SPX: variants seen among roughly 807,000 people sequenced by gnomAD.
The protein encoded by SPX is spexin hormone.
In SPX, 22 loss-of-function variants were observed where a neutral mutation model predicts 19.2. The observed-to-expected ratio is 1.15, with a 90% confidence interval of 0.82 to 1.64. SPX has a LOEUF of 1.64. Among genes scored for constraint, SPX ranks in the 40% most tolerant of loss-of-function variants. The pLI, the probability that SPX is intolerant of heterozygous loss-of-function variation, is 0.00. For synonymous variants in SPX, 50 were observed against 53.3 expected, an observed-to-expected ratio of 0.94 and a Z score of 0.27; for missense variants, 143 against 137.7, an observed-to-expected ratio of 1.04 and a Z score of -0.19.
Position 21,532,753 on chromosome 12 carries a change from A to G in SPX, c.*1558A>G, listed in dbSNP as rs1943877762. The G allele has an allele frequency of 6.6e-6, 1 of 152,240 alleles. No individual in the cohort carries two copies. Among genetic ancestry groups the G allele is most frequent in the Admixed American group, 6.5e-5 (1 of 15,280 alleles). The allele number at this position is 152,240 out of a possible 1,614,324, so 9.4% of individuals were successfully genotyped here. A position where few individuals can be genotyped will look rare whatever the true frequency, so the allele number is the denominator to read the frequency against. On this transcript the variant is annotated 3_prime_UTR_variant, in exon 6 of 6. Transcript: ENST00000256969. ...TATGTGTATTCAAAGAACACTTTTAACATCTATCTTATGAAATAATTCTTC... is the reference window on the plus strand; with the variant it reads ...TATGTGTATTCAAAGAACACTTTTAGCATCTATCTTATGAAATAATTCTTC...
chr12:21,526,786 C>T (rs1471317103), intron 1 of SPX, 100 bp from the exon 2 acceptor site: 10 of 1,153,248 alleles, frequency 8.7e-6, no homozygotes, highest in Admixed American at 2.0e-5. Flanking sequence ...CAGAATATTG[C>T]GAGAAGTAAG....
intron 4 of SPX, chr12:21,528,081 A>G: frequency 2.5e-6 from 1 of 403,722 alleles, no homozygotes. Flanking sequence ...GCGGCTGTTC[A>G]GCCAGCCCTC....
chr12:21,528,923 T>G, intron 4 of SPX, 78 bp from the exon 5 acceptor site: 2 of 1,290,380 alleles, frequency 1.5e-6, no homozygotes, highest in Non-Finnish European at 2.2e-6. Flanking sequence ...TTTCTAGTAT[T>G]GCTGCATGTT....
At position 21,527,164 on chromosome 12, in the gene SPX, T is replaced by A; in HGVS notation, c.117T>A (p.Pro39=). The change falls in exon 3 of 6, where the codon CCT becomes CCA. Residue 39 remains proline (P), a synonymous_variant. Transcript: ENST00000256969. ...TGTTGGAGAGAAGGAACTGGACTCC[T>A]CAAGCTATGCTCTACCTGAAAGGGG... ...QRLLERRNWT[P]QAMLYLKGAQ... The A allele has an allele frequency of 6.2e-7, 1 of 1,614,072 alleles. No individual in the cohort carries two copies. Among genetic ancestry groups the A allele is most frequent in the South Asian group, 1.1e-5 (1 of 91,074 alleles).
intron 2 of SPX, 82 bp from the exon 3 acceptor site, chr12:21,527,053 C>T: frequency 2.5e-6 from 4 of 1,583,520 alleles, no homozygotes; most frequent in Non-Finnish European, 2.6e-6. Flanking sequence ...GTTTTATTCT[C>T]TTCTTTTTCC....
chr12:21,527,419 T>G, intron 3 of SPX: 1 of 604,134 alleles, frequency 1.7e-6, no homozygotes, highest in Non-Finnish European at 2.9e-6. Context: ...AACTGGAGGG[T>G]TGCTTCTCTT....
intron 5 of SPX, 147 bp downstream of exon 5, chr12:21,529,231 A>G: frequency 1.4e-6 from 1 of 693,606 alleles, no homozygotes; most frequent in Non-Finnish European, 2.5e-6. Flanking sequence ...GTGAGGCCCA[A>G]GAATCTCTGT....
Position 21,532,773 on chromosome 12 carries a change from T to C in SPX, c.*1578T>C, listed in dbSNP as rs1943877956. On this transcript the variant is annotated 3_prime_UTR_variant, in exon 6 of 6. Coordinates refer to ENST00000256969, the MANE Select transcript of SPX (RefSeq NM_030572.4). ...TTTTAACATCTATCTTATGAAATAA[T>C]TCTTCCTACAACTAACCAGAACAAT... 1 of 152,198 alleles carries C rather than the reference T, an allele frequency of 6.6e-6. No homozygotes were observed. Among genetic ancestry groups the C allele is most frequent in the African/African-American group, 2.4e-5 (1 of 41,458 alleles). The allele number at this position is 152,198 out of a possible 1,614,324, so 9.4% of individuals were successfully genotyped here.
Position 21,527,709 on chromosome 12 carries a change from C to T in SPX, c.146-18C>T, listed in dbSNP as rs1489506830. 4 of 1,558,998 alleles carry T rather than the reference C, an allele frequency of 2.6e-6. No individual in the cohort carries two copies. The highest frequency in any genetic ancestry group is 8.7e-7 in the Non-Finnish European group (1 of 1,150,670). On this transcript the variant is annotated intron_variant, in intron 3 of 5. Transcript: ENST00000256969. ...CCCGGGCCAGGCTGTCGCTGAGCCC[C>T]AGGTCTCGTTTTTGCAGAGGGTCGC...
chr12:21,528,972 A>G (rs1198186395), intron 4 of SPX, 29 bp from the exon 5 acceptor site: 3 of 1,570,458 alleles, frequency 1.9e-6, no homozygotes, highest in Non-Finnish European at 2.6e-6. Flanking sequence ...AAATGCTAAG[A>G]GAATCTGTAT....
In SPX at chr12:21,527,686, C is replaced by G. The variant is rs1184553316; in HGVS notation, c.146-41C>G. On this transcript the variant is annotated intron_variant, in intron 3 of 5. Transcript: ENST00000256969. Reference sequence around the variant, plus strand: ...GCTGAGGTTTAAGCCCGGGTTGTCCCGGGCCAGGCTGTCGCTGAGCCCCAG... The same window carrying G: ...GCTGAGGTTTAAGCCCGGGTTGTCCGGGGCCAGGCTGTCGCTGAGCCCCAG... 2.6e-6 allele frequency: 4 copies of G among 1,547,084 alleles called. No homozygotes were observed. The African/African-American group carries it at 5.5e-5, about 21-fold the overall frequency.
chr12:21,528,880 T>C (rs1266217784), intron 4 of SPX, 121 bp from the exon 5 acceptor site: 19 of 848,612 alleles, frequency 2.2e-5, no homozygotes, highest in Non-Finnish European at 3.7e-5. Flanking sequence ...AGTAGTCCTT[T>C]GTTGAGGGGT....
In SPX at chr12:21,528,995, C is replaced by G; in HGVS notation, c.209-6C>G. On this transcript the variant is annotated splice_region_variant and splice_polypyrimidine_tract_variant and intron_variant, in intron 4 of 5. Transcript: ENST00000256969. ...AGAGAATCTGTATACATTTTTGTTT[C>G]TGCAGAAAGACGAAGCCCAAATCCC... The G allele has an allele frequency of 6.2e-7, 1 of 1,612,468 alleles. No homozygotes were observed. The highest frequency in any genetic ancestry group is 8.5e-7 in the Non-Finnish European group (1 of 1,178,602).
chr12:21,530,635 G>A (rs779724709), intron 5 of SPX, among the ~76,000 whole-genome samples: 6 of 151,948 alleles, frequency 3.9e-5, no homozygotes, highest in Non-Finnish European at 8.8e-5. Flanking sequence ...AAAGTTTCGC[G>A]ATCCCAGCCA....
chr12:21,527,389 A>T, intron 3 of SPX, 197 bp downstream of exon 3: 1 of 617,074 alleles, frequency 1.6e-6, no homozygotes, highest in Non-Finnish European at 2.8e-6. Flanking sequence ...CTCCATCCTT[A>T]TTAGAAATTC....
rs56784332 is a variant in SPX at position 21,527,666 on chromosome 12, G to C, written c.146-61G>C. 6 of 1,510,078 alleles carry C rather than the reference G, an allele frequency of 4.0e-6. No individual in the cohort carries two copies. The African/African-American group carries it at 5.5e-5, about 14-fold the overall frequency. 93.5% of individuals were successfully genotyped at this position (1,510,078 alleles called of 1,614,324 possible). A position where few individuals can be genotyped will look rare whatever the true frequency, so the allele number is the denominator to read the frequency against. ...ACTGCGCTGTGCCGGGAGGAGCTGA[G>C]GTTTAAGCCCGGGTTGTCCCGGGCC... On this transcript the variant is annotated intron_variant, in intron 3 of 5. Transcript: ENST00000256969.
In SPX at chr12:21,531,600, T is replaced by TATCC. The variant is rs1197555094; in HGVS notation, c.*406_*409dup. 1 of 154,894 alleles carries TATCC rather than the reference T, an allele frequency of 6.5e-6. No homozygotes were observed. Among genetic ancestry groups the TATCC allele is most frequent in the Non-Finnish European group, 1.4e-5 (1 of 70,072 alleles). 9.6% of individuals were successfully genotyped at this position (154,894 alleles called of 1,614,324 possible). On this transcript the variant is annotated 3_prime_UTR_variant, in exon 6 of 6. Coordinates refer to ENST00000256969, the MANE Select transcript of SPX (RefSeq NM_030572.4). The stretch of plus-strand genomic sequence containing the variant: ...AAATTCTCCTTCTCTGTTTTCCTTT[T>TATCC]ATCCCATCCCCAAGAATGTGGAAGG...
chr12:21,529,081 G>A lies in SPX; in HGVS notation c.289G>A (p.Glu97Lys). Residue 97 changes from glutamate to lysine, a missense_variant, in exon 5 of 6, where the codon GAA (glutamate) becomes AAA (lysine). Glu to Lys is a moderately conservative substitution (Grantham distance 56, BLOSUM62 1). Transcript: ENST00000256969. ...ILLASLQKSP[E>K]DEEKNFDQTR... ...ACTGGCGTCCCTTCAGAAATCACCA[G>A]AAGGTACTAGCATAGTGGCCTCTTT... is the stretch of plus-strand genomic sequence containing the variant. 3 of 1,613,194 alleles carry A rather than the reference G, an allele frequency of 1.9e-6. No homozygotes were observed. Among genetic ancestry groups the A allele is most frequent in the Non-Finnish European group, 2.5e-6 (3 of 1,179,144 alleles).
Position 21,526,413 on chromosome 12 carries a change from A to C in SPX, c.-60A>C. 6.5e-7 allele frequency: 1 copy of C among 1,530,876 alleles called. No homozygotes were observed. The highest frequency in any genetic ancestry group is 1.3e-5 in the South Asian group (1 of 76,890). 94.8% of individuals were successfully genotyped at this position (1,530,876 alleles called of 1,614,324 possible). ...TTTTAAAAGCTCCAATTTCAGAGCAAGAGTCGAAAACTCACAGATAAAGTT... is the reference window on the plus strand; with the variant it reads ...TTTTAAAAGCTCCAATTTCAGAGCACGAGTCGAAAACTCACAGATAAAGTT... On this transcript the variant is annotated 5_prime_UTR_variant, in exon 1 of 6. Coordinates refer to ENST00000256969, the MANE Select transcript of SPX (RefSeq NM_030572.4).
Sources: gnomAD v4.1 joint callset for allele counts (sites outside exome capture counted in the v4.1 genomes callset) on GRCh38, gnomAD v4.1.1 for gene constraint, MANE v1.5 for transcripts, NCBI Gene and HGNC (gene_info 2026-07-23, HGNC 2026-07-21) for gene names.